CAST: variants seen among roughly 807,000 people sequenced by gnomAD.
CAST encodes the protein calpastatin.
CAST carries 76 observed loss-of-function variants against 119.6 expected under a neutral mutation model. That is an observed-to-expected ratio of 0.64 (90% CI 0.53 to 0.77). The LOEUF (loss-of-function observed/expected upper bound fraction) is 0.77. Ranked by LOEUF, CAST falls within the 30% of genes least tolerant of loss-of-function variation. The probability of loss-of-function intolerance (pLI) is 0.00; values close to 1 mark genes in which losing one functional copy is unlikely to be tolerated. For missense variants in CAST, 953 were observed against 946.5 expected, an observed-to-expected ratio of 1.01 and a Z score of -0.09; for synonymous variants, 319 against 331.6, an observed-to-expected ratio of 0.96 and a Z score of 0.41.
chr5:96,313,823 A>G, the CAST span, among the ~76,000 whole-genome samples: 1 of 152,106 alleles, frequency 6.6e-6, no homozygotes, highest in Admixed American at 6.6e-5. Flanking sequence ...TAGGTGTGTC[A>G]TGATACCTCA....
the CAST span, chr5:96,431,953 T>C: frequency 4.2e-6 from 3 of 711,784 alleles, no homozygotes; most frequent in Non-Finnish European, 7.6e-6. Context: ...CCCCTCGGAA[T>C]CGCTCAGCTA....
At chr5:96,402,310 T>C in the CAST span, among the ~76,000 whole-genome samples, 1 of 152,208 alleles carries the variant, frequency 6.6e-6, no homozygotes, top group Non-Finnish European at 1.5e-5. Context: ...CAGTGTGCAG[T>C]TTGTGGCTCG....
the CAST span, among the ~76,000 whole-genome samples, chr5:96,450,179 T>C: frequency 6.6e-6 from 1 of 152,202 alleles, no homozygotes; most frequent in Admixed American, 6.5e-5. Context: ...AGATGACGAC[T>C]GGATTTTAAA....
the CAST span, among the ~76,000 whole-genome samples, chr5:95,977,502 T>C: frequency 6.6e-6 from 1 of 152,220 alleles, no homozygotes; most frequent in East Asian, 1.9e-4. Flanking sequence ...ATAGCCTAAG[T>C]TCTATCTGGA....
At chr5:96,066,806 T>C in the CAST span, among the ~76,000 whole-genome samples, 21 of 152,078 alleles carry the variant, frequency 1.4e-4, no homozygotes, top group Non-Finnish European at 1.5e-5. Context: ...ACTACAGGCA[T>C]GCACCACCAT....
chr5:96,358,440 T>C, the CAST span, among the ~76,000 whole-genome samples: 2 of 152,218 alleles, frequency 1.3e-5, no homozygotes, highest in East Asian at 3.8e-4. Flanking sequence ...TGATTTTAGA[T>C]CTTTCTTGCT....
At chr5:96,085,708 C>T in the CAST span, among the ~76,000 whole-genome samples, 3 of 152,218 alleles carry the variant, frequency 2.0e-5, no homozygotes, top group African/African-American at 7.2e-5. Flanking sequence ...CTAGGTCCCT[C>T]CAGGACTTCT....
the CAST span, among the ~76,000 whole-genome samples, chr5:96,477,866 C>T: frequency 6.6e-6 from 1 of 152,216 alleles, no homozygotes; most frequent in South Asian, 2.1e-4. Flanking sequence ...ATCAAGCAAA[C>T]CTTGGTAAGA....
At chr5:96,707,739 G>GT (rs1755308139) in intron 3 of CAST, among the ~76,000 whole-genome samples, 1 of 152,068 alleles carries the variant, frequency 6.6e-6, no homozygotes, top group African/African-American at 2.4e-5. Context: ...CAAAGTTGCC[G>GT]TAACAGATTA....
At chr5:96,399,240 A>G in the CAST span, among the ~76,000 whole-genome samples, 1 of 152,276 alleles carries the variant, frequency 6.6e-6, no homozygotes, top group East Asian at 1.9e-4. Flanking sequence ...CTTAAATACA[A>G]TGCTATTTGC....
chr5:96,469,826 G>A, the CAST span, among the ~76,000 whole-genome samples: 1 of 145,428 alleles, frequency 6.9e-6, no homozygotes, highest in Non-Finnish European at 1.5e-5. Context: ...GGCAGAGGGA[G>A]AAAGACAGAG....
chr5:96,227,410 A>C, the CAST span, among the ~76,000 whole-genome samples: 1 of 152,360 alleles, frequency 6.6e-6, no homozygotes, highest in South Asian at 2.1e-4. Context: ...AAAAATTTCC[A>C]AAGTGTCTGT....
chr5:96,282,304 C>T, the CAST span, among the ~76,000 whole-genome samples: 1 of 152,190 alleles, frequency 6.6e-6, no homozygotes, highest in Non-Finnish European at 1.5e-5. Flanking sequence ...CCTGTGTCAA[C>T]TGAGAGGCAA....
the CAST span, among the ~76,000 whole-genome samples, chr5:96,516,326 A>C: frequency 6.6e-6 from 1 of 152,078 alleles, no homozygotes; most frequent in Admixed American, 6.5e-5. Flanking sequence ...ACGATCTCCC[A>C]CACTCCTGAA....
the CAST span, among the ~76,000 whole-genome samples, chr5:95,996,054 C>G: frequency 1.3e-5 from 2 of 152,158 alleles, no homozygotes; most frequent in Non-Finnish European, 2.9e-5. Flanking sequence ...CTTCCCAAGG[C>G]AGCATAGAAA....
chr5:96,636,122 T>C (rs1011156520), intron 1 of CAST, among the ~76,000 whole-genome samples: 3 of 152,214 alleles, frequency 2.0e-5, no homozygotes, highest in Admixed American at 6.5e-5. Context: ...GTGGGAATTA[T>C]AAAAAGTACT....
At chr5:96,723,571 T>A (rs987707208) in intron 4 of CAST, among the ~76,000 whole-genome samples, 7 of 152,292 alleles carry the variant, frequency 4.6e-5, no homozygotes, top group African/African-American at 1.7e-4. Flanking sequence ...TAAAATTATT[T>A]TTTTGAATTT....
chr5:96,359,951 C>T, the CAST span, among the ~76,000 whole-genome samples: 9 of 152,170 alleles, frequency 5.9e-5, no homozygotes, highest in Admixed American at 5.9e-4. Flanking sequence ...TCCATTCTCC[C>T]CGTCACTTTC....
At chr5:96,244,507 T>C in the CAST span, among the ~76,000 whole-genome samples, 2 of 151,808 alleles carry the variant, frequency 1.3e-5, no homozygotes, top group African/African-American at 4.9e-5. Context: ...ATTAATTCTT[T>C]AAGAAAACTC....
Sources: allele counts gnomAD v4.1 joint callset (sites outside exome capture counted in the v4.1 genomes callset), GRCh38; gene constraint gnomAD v4.1.1; transcripts MANE v1.5; gene names NCBI Gene and HGNC (gene_info 2026-07-23, HGNC 2026-07-21).